SACS: variants seen among roughly 807,000 people sequenced by gnomAD.
The protein encoded by SACS is sacsin molecular chaperone.
Under a neutral mutation model 348.0 loss-of-function variants are expected in SACS, and 197 were observed. That is an observed-to-expected ratio of 0.57 (90% confidence interval 0.50 to 0.64). The LOEUF (loss-of-function observed/expected upper bound fraction) is 0.64. Among genes scored for constraint, SACS ranks in the 30% least tolerant of loss-of-function variants. SACS has a pLI of 0.00. For synonymous variants in SACS, 1,985 were observed against 1,910.6 expected (o/e 1.04, Z -1.02); for missense variants, 4,999 against 5,360.8 (o/e 0.93, Z 2.11).
intron 5 of SACS, among the ~76,000 whole-genome samples, chr13:23,367,886 G>A (rs1030389452): frequency 5.9e-5 from 9 of 152,228 alleles, no homozygotes; most frequent in South Asian, 4.2e-4. Context: ...GAGCCACTGC[G>A]CCCAGCCTGT....
intron 2 of SACS, among the ~76,000 whole-genome samples, chr13:23,397,764 G>A (rs1440650749): frequency 6.6e-6 from 1 of 152,308 alleles, no homozygotes; most frequent in Admixed American, 6.5e-5. Flanking sequence ...TATTTGAAGA[G>A]ATTTATTATG....
chr13:23,372,788 T>C (rs904138282), intron 3 of SACS, among the ~76,000 whole-genome samples: 1 of 152,182 alleles, frequency 6.6e-6, no homozygotes, highest in Non-Finnish European at 1.5e-5. Flanking sequence ...GCCAACGTCC[T>C]TGGCAAGACC....
In SACS at chr13:23,340,226, G is replaced by C. The variant is rs779507636; in HGVS notation, c.3650C>G (p.Thr1217Arg). The C allele has an allele frequency of 9.3e-6, 15 of 1,610,386 alleles. No homozygotes were observed. Among genetic ancestry groups the C allele is most frequent in the Admixed American group, 5.1e-5 (3 of 59,394 alleles). Reference protein sequence around the residue: ...VNLEKALGIFTKPSLSAVLKH... With the variant: ...VNLEKALGIFRKPSLSAVLKH... ...TAAGACAGCACTAAGGCTAGGTTTT[G>C]TGAAGATCCCTAATGCTTTTTCCAG... Residue 1217 changes from threonine (T) to arginine (R), a missense_variant, in exon 10 of 10, where the codon ACA becomes AGA. Coordinates refer to ENST00000382292, the MANE Select transcript of SACS (RefSeq NM_014363.6).
rs755366930 is a variant in SACS, at chr13:23,331,658, A to C, written c.12218T>G (p.Phe4073Cys). ...ATTACCAAATCGCTTCAAAAAAGCA[A>C]AAGTTTCACTTCTGCTGTGGGGAAT... ...NPIPHSRSET[F>C]AFLKRFGNAV... The change falls in exon 10 of 10, where the codon TTT (phenylalanine) becomes TGT (cysteine). Residue 4073 changes from phenylalanine to cysteine, a missense_variant. Phe to Cys is a radical substitution (Grantham distance 205). Transcript: ENST00000382292. 6.2e-7 allele frequency: 1 copy of C among 1,613,990 alleles called. No individual in the cohort carries two copies. The highest frequency in any genetic ancestry group is 2.2e-5 in the East Asian group (1 of 44,872).
chr13:23,403,792 G>T lies in SACS; in HGVS notation c.20+7428C>A, dbSNP rs937482881. Among the ~76,000 whole-genome samples the T allele has an allele frequency of 2.6e-4, 40 of 152,160 alleles. 1 individual carries two copies. The East Asian group carries it at 7.2e-3, about 27-fold the overall frequency. ...TATTTCTTGTCTTCTGCTAGTTTTTGAATGTGTTTGCTCTTGCTTCTCTAG... is the reference window on the plus strand; with the variant it reads ...TATTTCTTGTCTTCTGCTAGTTTTTTAATGTGTTTGCTCTTGCTTCTCTAG... On this transcript the variant is annotated intron_variant, in intron 2 of 9. Transcript: ENST00000382292.
chr13:23,380,885 C>T (rs1406468829), intron 2 of SACS, among the ~76,000 whole-genome samples: 2 of 152,110 alleles, frequency 1.3e-5, no homozygotes, highest in African/African-American at 4.8e-5. Flanking sequence ...GGCTTTCATC[C>T]GTAAAAGTTT....
chr13:23,408,087 C>T (rs1205328516), intron 2 of SACS, among the ~76,000 whole-genome samples: 1 of 152,104 alleles, frequency 6.6e-6, no homozygotes, highest in Non-Finnish European at 1.5e-5. Flanking sequence ...TGAGTAAAGT[C>T]TTCTTTACTA....
intron 7 of SACS, 82 bp from the exon 8 acceptor site, chr13:23,356,089 A>C: frequency 8.3e-7 from 1 of 1,205,602 alleles, no homozygotes; most frequent in Non-Finnish European, 1.2e-6. Context: ...TATATGAAAA[A>C]GCATGAGCCA....
intron 2 of SACS, among the ~76,000 whole-genome samples, chr13:23,379,711 C>A (rs763456906): frequency 6.6e-6 from 1 of 152,194 alleles, no homozygotes; most frequent in Non-Finnish European, 1.5e-5. Flanking sequence ...AACAGCAACA[C>A]CTCTGCTTGT....
chr13:23,338,460 C>T lies in SACS; in HGVS notation c.5416G>A (p.Asp1806Asn). Residue 1806 changes from aspartate to asparagine, a missense_variant, in exon 10 of 10, where the codon GAT becomes AAT. This residue lies in a region of SACS where 3,156 missense variants were observed against 3,380.1 expected (regional missense o/e 0.93). Transcript: ENST00000382292. ...TCTACTGTTTTCTGTGACAACTCAT[C>T]TGATGGCTTTTTTGATTGGCCAGAC... ...AKSGQSKKPS[D>N]ELSQKTVECT... 1 of 1,614,176 alleles carries T rather than the reference C, an allele frequency of 6.2e-7. No homozygotes were observed. Among genetic ancestry groups the T allele is most frequent in the South Asian group, 1.1e-5 (1 of 91,090 alleles).
At chr13:23,378,730 C>A (rs1011701754) in intron 2 of SACS, among the ~76,000 whole-genome samples, 2 of 152,160 alleles carry the variant, frequency 1.3e-5, no homozygotes, top group South Asian at 4.1e-4. Flanking sequence ...GGGTGAGCCA[C>A]CACGCCTGGC....
chr13:23,420,757 C>G (rs1349563929), intron 1 of SACS, among the ~76,000 whole-genome samples: 1 of 152,064 alleles, frequency 6.6e-6, no homozygotes, highest in Non-Finnish European at 1.5e-5. Context: ...TAGATTGAAC[C>G]TGAGGCCTGA....
At chr13:23,402,776 G>T in intron 2 of SACS, among the ~76,000 whole-genome samples, 1 of 152,272 alleles carries the variant, frequency 6.6e-6, no homozygotes, top group Non-Finnish European at 1.5e-5. Context: ...GGCAGGCCCA[G>T]GAACCTTAGG....
chr13:23,334,546 A>G lies in SACS; in HGVS notation c.9330T>C (p.Thr3110=). The G allele has an allele frequency of 6.2e-7, 1 of 1,613,524 alleles. No homozygotes were observed. The highest frequency in any genetic ancestry group is 1.1e-5 in the South Asian group (1 of 91,068). The change falls in exon 10 of 10, where the codon ACT becomes ACC. Residue 3110 remains threonine (T), a synonymous_variant. Coordinates refer to ENST00000382292, the MANE Select transcript of SACS (RefSeq NM_014363.6). ...SFLMTFSSPD[T]NCHIGKLPCR... ...AAGGCAGCTTCCCAATATGGCAATT[A>G]GTGTCAGGAGAGGAAAATGTCATTA...
chr13:23,333,009 T>G lies in SACS; in HGVS notation c.10867A>C (p.Asn3623His). The G allele has an allele frequency of 6.2e-7, 1 of 1,613,982 alleles. No individual in the cohort carries two copies. The highest frequency in any genetic ancestry group is 8.5e-7 in the Non-Finnish European group (1 of 1,179,920). ...TGATGCAGAAGGATATCAACTGTAT[T>G]TTGCAATGTTTCTTTGGACCAGTTT... ...TENWSKETLQ[N>H]TVDILLHHIF... Residue 3623 changes from asparagine to histidine, a missense_variant, in exon 10 of 10, where the codon AAT becomes CAT. By Grantham distance (68) the Asn-to-His change is moderately conservative. Coordinates refer to ENST00000382292, the MANE Select transcript of SACS (RefSeq NM_014363.6).
chr13:23,353,686 A>C, intron 9 of SACS, 99 bp downstream of exon 9: 1 of 689,524 alleles, frequency 1.5e-6, no homozygotes, highest in Non-Finnish European at 2.5e-6. Context: ...AGCCATAAGA[A>C]ATTGTTGATT....
chr13:23,424,870 C>T (rs1325403475), intron 1 of SACS, among the ~76,000 whole-genome samples: 2 of 152,174 alleles, frequency 1.3e-5, no homozygotes, highest in Non-Finnish European at 2.9e-5. Flanking sequence ...TTTGTAGAAT[C>T]TAAACAATTA....
chr13:23,335,034 G>A lies in SACS; in HGVS notation c.8842C>T (p.Pro2948Ser), dbSNP rs762177188. 2.5e-6 allele frequency: 4 copies of A among 1,613,380 alleles called. No homozygotes were observed. The highest frequency in any genetic ancestry group is 3.4e-6 in the Non-Finnish European group (4 of 1,179,496). Residue 2948 changes from proline (P) to serine (S), a missense_variant, in exon 10 of 10, where the codon CCT becomes TCT. Physicochemically the swap from Pro to Ser is moderately conservative, Grantham distance 74 (BLOSUM62 -1). Transcript: ENST00000382292. The surrounding 1 kb of genome is among the most constrained non-coding windows in gnomAD (Gnocchi z 4.7). ...DPTLSVLQNT[P>S]IHVVKDTLKK... Reference sequence around the variant, plus strand: ...AAAGTGTCCTTTACAACATGAATAGGGGTGTTCTGTAACACTGATAATGTT... The same window carrying A: ...AAAGTGTCCTTTACAACATGAATAGAGGTGTTCTGTAACACTGATAATGTT...
At chr13:23,350,886 G>C (rs933070840) in intron 9 of SACS, among the ~76,000 whole-genome samples, 41 of 152,270 alleles carry the variant, frequency 2.7e-4, no homozygotes, top group African/African-American at 8.2e-4. Flanking sequence ...ATGCTCAGCA[G>C]GACTCAAAGG....
Sources: gnomAD v4.1 joint callset for allele counts (sites outside exome capture counted in the v4.1 genomes callset) on GRCh38, gnomAD v4.1.1 for gene constraint, gnomAD v4.1.1 regional missense constraint, Gnocchi (gnomAD v3.1) non-coding constraint, MANE v1.5 for transcripts, NCBI Gene and HGNC (gene_info 2026-07-23, HGNC 2026-07-21) for gene names.